Variants in CYP27C1 observed in about 807,000 individuals in gnomAD.
CYP27C1 encodes the protein cytochrome P450 27C1.
A neutral mutation model predicts 40.6 loss-of-function variants in CYP27C1; 29 were observed. The observed-to-expected ratio is 0.71, with a 90% CI of 0.53 to 0.97. The LOEUF is 0.97. CYP27C1 is among the 50% of genes least tolerant of loss of function. CYP27C1 has a pLI of 0.00. For synonymous variants in CYP27C1, 198 were observed against 186.8 expected (o/e 1.06, Z -0.49); for missense variants, 390 against 485.8 (o/e 0.80, Z 1.85).
At position 127,193,272 on chromosome 2, in the gene CYP27C1, G is replaced by T; in HGVS notation, c.1319C>A (p.Ala440Asp). The change falls in exon 8 of 9, where the codon GCC (alanine) becomes GAC (aspartate). Residue 440 changes from alanine to aspartate, a missense_variant. By Grantham distance (126) the Ala-to-Asp change is moderately radical (BLOSUM62 -2). Coordinates refer to ENST00000664447, the MANE Select transcript of CYP27C1 (RefSeq NM_001367502.1). ...KGTQLALCHY[A>D]TSYQDENFPR... ...GAAGTTCTCATCCTGGTACGATGTG[G>T]CATAGTGGCAAAGGGCCAGCTGGGT... is the stretch of plus-strand genomic sequence containing the variant. The T allele has an allele frequency of 6.2e-7, 1 of 1,614,216 alleles. No individual in the cohort carries two copies. The highest frequency in any genetic ancestry group is 8.5e-7 in the Non-Finnish European group (1 of 1,180,038).
rs1683295869 is a variant in CYP27C1 at position 127,209,469 on chromosome 2, C to G, written c.283-3379G>C. Among the ~76,000 whole-genome samples, 1 of 152,172 alleles carries G rather than the reference C, an allele frequency of 6.6e-6. No homozygotes were observed. Among genetic ancestry groups the G allele is most frequent in the African/African-American group, 2.4e-5 (1 of 41,436 alleles). On this transcript the variant is annotated intron_variant, in intron 1 of 8. Coordinates refer to ENST00000664447, the MANE Select transcript of CYP27C1 (RefSeq NM_001367502.1). The surrounding 1 kb of genome is among the most constrained non-coding windows in gnomAD (Gnocchi z 4.1). ...GAGTGCCTCTTCTCCTCCAAATAAT[C>G]ACAATGTCTCTCCATCAAGAGCACA...
chr2:127,211,380 T>TTG (rs1558933884), intron 1 of CYP27C1, among the ~76,000 whole-genome samples: 18 of 127,802 alleles, frequency 1.4e-4, no homozygotes, highest in African/African-American at 5.3e-4. Flanking sequence ...TTTTTTTTTT[T>TTG]TTTTTTTTTT....
rs10686577 is a variant in CYP27C1, at chr2:127,196,262, C to CTG, written c.1048-763_1048-762dup. ...TATTTTTAGGAGAGACAGGATTTCA[C>CTG]TGTTAGCCAGGATGGTCTGGAACTC... On this transcript the variant is annotated intron_variant, in intron 5 of 8. Transcript: ENST00000664447. The surrounding 1 kb of genome is among the most constrained non-coding windows in gnomAD (Gnocchi z 4.5). 0.73 allele frequency among the ~76,000 whole-genome samples: 110,882 copies of CTG among 151,578 alleles called. 40,871 individuals carry two copies. Among genetic ancestry groups the CTG allele is most frequent in the African/African-American group, 0.83 (34,163 of 41,302 alleles).
chr2:127,195,248 CG>C lies in CYP27C1; in HGVS notation c.1214+86del, dbSNP rs951920440. The C allele has an allele frequency of 9.7e-6, 15 of 1,553,130 alleles. No homozygotes were observed. The highest frequency in any genetic ancestry group is 4.1e-5 in the African/African-American group (3 of 73,714). On this transcript the variant is annotated intron_variant, in intron 6 of 8. Transcript: ENST00000664447. The surrounding 1 kb of genome is among the most constrained non-coding windows in gnomAD (Gnocchi z 6.2). ...ACATCCTCATCCTGAACAGGTCAGC[CG>C]GGGGGGCATTTGGAGGACTTGTTGT...
intron 8 of CYP27C1, 132 bp from the exon 9 acceptor site, chr2:127,187,519 G>A: frequency 1.4e-6 from 1 of 709,998 alleles, no homozygotes; most frequent in Non-Finnish European, 2.4e-6. Context: ...CCCACATCCA[G>A]CTTTTGGAGG....
At chr2:127,204,805 G>A (rs567029214) in intron 2 of CYP27C1, among the ~76,000 whole-genome samples, 1 of 152,278 alleles carries the variant, frequency 6.6e-6, no homozygotes, top group South Asian at 2.1e-4. Flanking sequence ...GGAGTGTTCT[G>A]CAGTTTCTCA....
chr2:127,204,819 G>A (rs1476740773), intron 2 of CYP27C1, among the ~76,000 whole-genome samples: 1 of 152,104 alleles, frequency 6.6e-6, no homozygotes, highest in Non-Finnish European at 1.5e-5. Context: ...TTTCTCAGAG[G>A]GTCGTGGCAG....
intron 1 of CYP27C1, among the ~76,000 whole-genome samples, chr2:127,211,382 T>TG (rs1463797824): frequency 4.6e-5 from 6 of 131,840 alleles, no homozygotes; most frequent in East Asian, 2.0e-4. Context: ...TTTTTTTTTT[T>TG]TTTTTTTTTT....
intron 2 of CYP27C1, chr2:127,205,685 C>T (rs990230354): frequency 5.1e-6 from 5 of 985,442 alleles, no homozygotes; most frequent in African/African-American, 1.7e-5. Flanking sequence ...CCCCTCCTGG[C>T]TCCTGACGGG....
At chr2:127,203,194 T>G (rs534954856) in intron 3 of CYP27C1, among the ~76,000 whole-genome samples, 178 bp downstream of exon 3, 147 of 151,770 alleles carry the variant, frequency 9.7e-4, no homozygotes, top group Non-Finnish European at 1.6e-3. Context: ...AGTCTCAGTT[T>G]CCTCATTGGT....
chr2:127,190,725 C>A lies in CYP27C1; in HGVS notation c.1497+2369G>T, dbSNP rs536576104. Among the ~76,000 whole-genome samples, 10 of 146,734 alleles carry A rather than the reference C, an allele frequency of 6.8e-5. No homozygotes were observed. In the South Asian group the frequency reaches 1.5e-3, roughly 23 times the overall value. ...ACTTTGGGAGGCCGAGGCGATGGATCACTTGAGGTCAGAAGTTCGAGACCA... is the reference window on the plus strand; with the variant it reads ...ACTTTGGGAGGCCGAGGCGATGGATAACTTGAGGTCAGAAGTTCGAGACCA... On this transcript the variant is annotated intron_variant, in intron 8 of 8. Transcript: ENST00000664447.
rs575904632 is a variant in CYP27C1, at chr2:127,196,194, C to A, written c.1048-693G>T. ...TCTCCTGCCTCAGCCTCCCGAGTAG[C>A]TGGGACTACAGGCGCTCACCACCAC... On this transcript the variant is annotated intron_variant, in intron 5 of 8. Coordinates refer to ENST00000664447, the MANE Select transcript of CYP27C1 (RefSeq NM_001367502.1). The surrounding 1 kb of genome is among the most constrained non-coding windows in gnomAD (Gnocchi z 4.5). 8.4e-4 allele frequency among the ~76,000 whole-genome samples: 128 copies of A among 152,146 alleles called. No individual in the cohort carries two copies. The highest frequency in any genetic ancestry group is 2.2e-3 in the Admixed American group (34 of 15,272).
At position 127,218,985 on chromosome 2, in the gene CYP27C1, C is replaced by T. The variant is rs978788575; in HGVS notation, c.282+1004G>A. The stretch of plus-strand genomic sequence containing the variant: ...TGCGGAATTCGCCGGCCCCAACGCC[C>T]TAGCGGGTGGCTGGGACCCCTGGGT... On this transcript the variant is annotated intron_variant, in intron 1 of 8. Coordinates refer to ENST00000664447, the MANE Select transcript of CYP27C1 (RefSeq NM_001367502.1). This position sits in a 1 kb window ranked among gnomAD's most constrained non-coding sequence, Gnocchi z 6.0. Among the ~76,000 whole-genome samples, 1 of 152,158 alleles carries T rather than the reference C, an allele frequency of 6.6e-6. No homozygotes were observed. Among genetic ancestry groups the T allele is most frequent in the African/African-American group, 2.4e-5 (1 of 41,446 alleles).
At chr2:127,194,685 G>A (rs1682862281) in intron 6 of CYP27C1, among the ~76,000 whole-genome samples, 1 of 152,120 alleles carries the variant, frequency 6.6e-6, no homozygotes. Context: ...CAGCTGAACA[G>A]GTCAAACTAT....
Position 127,186,410 on chromosome 2 carries a change from AT to A in CYP27C1, c.*860del, listed in dbSNP as rs1439429382. On this transcript the variant is annotated 3_prime_UTR_variant, in exon 9 of 9. Transcript: ENST00000664447. The surrounding 1 kb of genome is among the most constrained non-coding windows in gnomAD (Gnocchi z 4.5). ...ATTTTATTTTATTTTATTTTATTTT[AT>A]TTTTGAGAAAGGGTCTCACTCTGTC... is the stretch of plus-strand genomic sequence containing the variant. The A allele has an allele frequency of 7.3e-6, 1 of 136,096 alleles. No homozygotes were observed. Among genetic ancestry groups the A allele is most frequent in the Non-Finnish European group, 1.6e-5 (1 of 64,194 alleles). 8.4% of individuals were successfully genotyped at this position (136,096 alleles called of 1,614,324 possible).
At chr2:127,189,059 G>T (rs1682702985) in intron 8 of CYP27C1, among the ~76,000 whole-genome samples, 1 of 152,002 alleles carries the variant, frequency 6.6e-6, no homozygotes, top group South Asian at 2.1e-4. Flanking sequence ...GTGGACATGT[G>T]GGTCTCCTAA....
intron 5 of CYP27C1, among the ~76,000 whole-genome samples, chr2:127,197,886 C>A (rs552232508): frequency 3.9e-5 from 6 of 152,044 alleles, no homozygotes; most frequent in Non-Finnish European, 7.4e-5. Context: ...ATGCCACCCC[C>A]AGCCAGCCAA....
intron 1 of CYP27C1, among the ~76,000 whole-genome samples, chr2:127,217,853 CG>C (rs1349065417): frequency 6.6e-6 from 1 of 152,012 alleles, no homozygotes; most frequent in Non-Finnish European, 1.5e-5. Context: ...ACCTGGAGAG[CG>C]GGAAGAGAGG....
At chr2:127,206,935 A>G (rs1205065430) in intron 1 of CYP27C1, among the ~76,000 whole-genome samples, 1 of 152,270 alleles carries the variant, frequency 6.6e-6, no homozygotes, top group Non-Finnish European at 1.5e-5. Context: ...CTAAAAAACT[A>G]TTAGAACTAA....
Sources: allele counts gnomAD v4.1 joint callset (sites outside exome capture counted in the v4.1 genomes callset), GRCh38; gene constraint gnomAD v4.1.1; non-coding constraint Gnocchi (gnomAD v3.1); transcripts MANE v1.5; gene names NCBI Gene and HGNC (gene_info 2026-07-23, HGNC 2026-07-21).